The following SYT16 variants were observed in gnomAD, a reference collection of about 807,000 sequenced individuals.
The protein encoded by SYT16 is synaptotagmin 16, also known as synaptotagmin-16.
Under a neutral mutation model 61.4 loss-of-function variants are expected in SYT16, and 42 were observed. That is an observed-to-expected ratio of 0.68 (90% CI 0.53 to 0.89). The LOEUF (loss-of-function observed/expected upper bound fraction) is 0.89. SYT16 is among the 40% of genes least tolerant of loss of function. The pLI, the probability that SYT16 is intolerant of heterozygous loss-of-function variation, is 0.00. For synonymous variants in SYT16, 314 were observed against 302.3 expected, an observed-to-expected ratio of 1.04 and a Z score of -0.40; for missense variants, 804 against 807.3, an observed-to-expected ratio of 1.00 and a Z score of 0.05.
In SYT16 at chr14:62,109,362, A is replaced by C. The variant is rs1270354936; in HGVS notation, c.*8655A>C. 9 of 148,106 alleles carry C rather than the reference A, an allele frequency of 6.1e-5. No individual in the cohort carries two copies. The highest frequency in any genetic ancestry group is 1.2e-4 in the Non-Finnish European group (8 of 67,124). The allele number at this position is 148,106 out of a possible 1,614,324, so 9.2% of individuals were successfully genotyped here. ...TATGGCTTGATAGTTCATTTATTTT[A>C]AGTGCTGAATAATATTTCATTGTCT... On this transcript the variant is annotated 3_prime_UTR_variant, in exon 8 of 8. Coordinates refer to ENST00000683842, the MANE Select transcript of SYT16 (RefSeq NM_001367656.1).
chr14:61,999,078 T>G (rs2052886232), intron 3 of SYT16, among the ~76,000 whole-genome samples: 4 of 152,048 alleles, frequency 2.6e-5, no homozygotes, highest in South Asian at 2.1e-4. Context: ...TTTTCCATTT[T>G]TTTTTTAGGG....
intron 1 of SYT16, chr14:61,865,231 G>GT: frequency 1.0e-6 from 1 of 988,392 alleles, no homozygotes. Context: ...CACCCCATCT[G>GT]TTGCTGGACA....
At chr14:61,994,875 T>C (rs1187409720) in intron 2 of SYT16, among the ~76,000 whole-genome samples, 1 of 152,190 alleles carries the variant, frequency 6.6e-6, no homozygotes, top group Admixed American at 6.5e-5. Context: ...AGTAGTCATA[T>C]CACATGCAGT....
At chr14:62,044,463 C>A (rs2054880519) in intron 3 of SYT16, among the ~76,000 whole-genome samples, 1 of 152,052 alleles carries the variant, frequency 6.6e-6, no homozygotes, top group Non-Finnish European at 1.5e-5. Context: ...CCTCCCCACC[C>A]CCAACAGGCC....
chr14:61,910,436 A>G (rs1203643699), intron 1 of SYT16, among the ~76,000 whole-genome samples: 1 of 151,320 alleles, frequency 6.6e-6, no homozygotes, highest in Non-Finnish European at 1.5e-5. Flanking sequence ...ATGGGGTTTT[A>G]CCATGTTGGC....
intron 1 of SYT16, among the ~76,000 whole-genome samples, chr14:61,950,347 TA>T (rs1449926034): frequency 1.3e-5 from 2 of 152,094 alleles, no homozygotes; most frequent in African/African-American, 4.8e-5. Context: ...GGGCCTGTAG[TA>T]GTTGTGTTTT....
chr14:62,087,219 G>A (rs2056915737), intron 7 of SYT16, among the ~76,000 whole-genome samples: 1 of 152,196 alleles, frequency 6.6e-6, no homozygotes, highest in Non-Finnish European at 1.5e-5. Context: ...GAGAAGAGTT[G>A]GAAGGAAGAG....
chr14:62,042,712 T>G (rs774377498), intron 3 of SYT16, among the ~76,000 whole-genome samples: 1 of 152,208 alleles, frequency 6.6e-6, no homozygotes, highest in African/African-American at 2.4e-5. Flanking sequence ...TCTGGAGTTC[T>G]TTCTCTTGGC....
chr14:62,042,138 T>C (rs1184419472), intron 3 of SYT16, among the ~76,000 whole-genome samples: 3 of 152,154 alleles, frequency 2.0e-5, no homozygotes, highest in Non-Finnish European at 4.4e-5. Flanking sequence ...TATGGGTATA[T>C]TATCTTTTCT....
At chr14:61,826,251 A>G (rs1191132191) in intron 1 of SYT16, among the ~76,000 whole-genome samples, 4 of 151,958 alleles carry the variant, frequency 2.6e-5, no homozygotes, top group Admixed American at 6.5e-5. Context: ...TGGACATGCT[A>G]GTTCGCCTCA....
intron 3 of SYT16, among the ~76,000 whole-genome samples, chr14:62,054,368 T>G (rs1376769011): frequency 6.6e-6 from 1 of 150,512 alleles, no homozygotes; most frequent in African/African-American, 2.4e-5. Flanking sequence ...GAGTTTTTTT[T>G]TTTTTTTTTG....
chr14:61,905,691 C>T (rs1566668315), intron 1 of SYT16, among the ~76,000 whole-genome samples: 1 of 152,008 alleles, frequency 6.6e-6, no homozygotes, highest in Non-Finnish European at 1.5e-5. Flanking sequence ...ATCAGTCTAG[C>T]CCTTAAAAAA....
Position 61,979,468 on chromosome 14 carries a change from C to CAGGT in SYT16, c.-145+9158_-145+9161dup, listed in dbSNP as rs1199781352. ...CCCAGAGTCTAGGTTCCATCACCTG[C>CAGGT]AGGTCTGTGCAGTGGCTTCCTTTTA... On this transcript the variant is annotated intron_variant, in intron 2 of 7. Transcript: ENST00000683842. Among the ~76,000 whole-genome samples, 6 of 152,280 alleles carry CAGGT rather than the reference C, an allele frequency of 3.9e-5. No homozygotes were observed. The East Asian group carries it at 9.6e-4, about 24-fold the overall frequency.
intron 1 of SYT16, among the ~76,000 whole-genome samples, chr14:61,954,388 C>T (rs1314410500): frequency 6.7e-6 from 1 of 150,214 alleles, no homozygotes; most frequent in Non-Finnish European, 1.5e-5. Context: ...CATGCTGAAG[C>T]ATCTCTATTT....
At chr14:61,847,449 T>G (rs1010432528) in intron 1 of SYT16, among the ~76,000 whole-genome samples, 1 of 152,170 alleles carries the variant, frequency 6.6e-6, no homozygotes, top group East Asian at 1.9e-4. Context: ...TATTTTATGT[T>G]AGTTGTTTCT....
At chr14:61,941,643 C>G (rs2050215194) in intron 1 of SYT16, among the ~76,000 whole-genome samples, 1 of 152,114 alleles carries the variant, frequency 6.6e-6, no homozygotes, top group Admixed American at 6.6e-5. Context: ...CATTTTTTCC[C>G]CTTATCTAGT....
At chr14:62,004,233 C>G (rs10146469) in intron 3 of SYT16, among the ~76,000 whole-genome samples, 80,110 of 152,006 alleles carry the variant, frequency 0.53, 22,221 homozygotes, top group East Asian at 0.75. Flanking sequence ...TACATGGCAA[C>G]AGGAGAGACA....
chr14:61,991,330 TTG>T (rs71117861), intron 2 of SYT16, among the ~76,000 whole-genome samples: 45 of 146,452 alleles, frequency 3.1e-4, no homozygotes, highest in South Asian at 6.6e-4. Context: ...TGTTTTTCAT[TTG>T]TGTGTGTGTG....
intron 1 of SYT16, among the ~76,000 whole-genome samples, chr14:61,945,550 C>A (rs1355947807): frequency 1.3e-5 from 2 of 152,082 alleles, no homozygotes; most frequent in African/African-American, 2.4e-5. Context: ...GAATACTATG[C>A]AGTCATAAAA....
Sources: gnomAD v4.1 joint callset for allele counts (sites outside exome capture counted in the v4.1 genomes callset) on GRCh38, gnomAD v4.1.1 for gene constraint, MANE v1.5 for transcripts, NCBI Gene and HGNC (gene_info 2026-07-23, HGNC 2026-07-21) for gene names.